The following CYTH3 variants were observed in gnomAD, a reference collection of about 807,000 sequenced individuals.
CYTH3 encodes the protein cytohesin 3.
Under a neutral mutation model 55.1 loss-of-function variants are expected in CYTH3, and 23 were observed. That is an observed-to-expected ratio of 0.42 (90% CI 0.30 to 0.59). The LOEUF is 0.59. CYTH3 is among the 20% of genes least tolerant of loss of function. CYTH3 has a pLI of 0.20. For synonymous variants in CYTH3, 249 were observed against 194.9 expected (o/e 1.28, Z -2.31); for missense variants, 413 against 524.8 (o/e 0.79, Z 2.08).
chr7:6,247,126 C>G (rs1779840091), intron 1 of CYTH3, among the ~76,000 whole-genome samples: 1 of 152,228 alleles, frequency 6.6e-6, no homozygotes, highest in African/African-American at 2.4e-5. Flanking sequence ...TGTGCTAGCT[C>G]CAACTTCTGT....
intron 1 of CYTH3, among the ~76,000 whole-genome samples, chr7:6,215,281 A>G (rs775022253): frequency 1.3e-5 from 2 of 152,214 alleles, no homozygotes; most frequent in Non-Finnish European, 2.9e-5. Flanking sequence ...AAACGTACAG[A>G]TAATTTCCCT....
At chr7:6,225,954 G>A (rs984764804) in intron 1 of CYTH3, among the ~76,000 whole-genome samples, 1 of 152,068 alleles carries the variant, frequency 6.6e-6, no homozygotes, top group African/African-American at 2.4e-5. Flanking sequence ...CCAAAGTGCT[G>A]GGATTACAGG....
chr7:6,215,465 C>A (rs147691040), intron 1 of CYTH3, among the ~76,000 whole-genome samples: 3,969 of 152,018 alleles, frequency 0.026, 155 homozygotes, highest in African/African-American at 0.091. Context: ...TGGTGGGCAC[C>A]TGTAGTCCCA....
intron 1 of CYTH3, among the ~76,000 whole-genome samples, chr7:6,233,986 A>G (rs1420716877): frequency 1.3e-5 from 2 of 152,192 alleles, no homozygotes; most frequent in Non-Finnish European, 2.9e-5. Context: ...CAAGGATCTC[A>G]TTCATGAGCT....
chr7:6,168,219 A>ATT lies in CYTH3; in HGVS notation c.823+2314_823+2315dup, dbSNP rs750700961. 1.3e-3 allele frequency among the ~76,000 whole-genome samples: 162 copies of ATT among 121,598 alleles called. 3 individuals carry two copies. The highest frequency in any genetic ancestry group is 4.6e-3 in the Middle Eastern group (1 of 218). 79.8% of individuals were successfully genotyped at this position (121,598 alleles called of 152,430 possible). On this transcript the variant is annotated intron_variant, in intron 9 of 12. Coordinates refer to ENST00000350796, the MANE Select transcript of CYTH3 (RefSeq NM_004227.4). ...AGCTCGGATTGGGCCACCTCCTAGG[A>ATT]TTTTTTTTTTTTTTTTTTTTCTGGT...
At chr7:6,228,167 A>C (rs946034889) in intron 1 of CYTH3, among the ~76,000 whole-genome samples, 3 of 152,216 alleles carry the variant, frequency 2.0e-5, no homozygotes, top group African/African-American at 7.2e-5. Context: ...ATTCCCTTTC[A>C]TTACCTCCAG....
chr7:6,194,924 G>A (rs1276574873), intron 1 of CYTH3, among the ~76,000 whole-genome samples: 3 of 152,034 alleles, frequency 2.0e-5, no homozygotes, highest in Non-Finnish European at 2.9e-5. Flanking sequence ...GCAGTGAGCC[G>A]AGATCGCGTC....
intron 1 of CYTH3, among the ~76,000 whole-genome samples, chr7:6,193,492 T>C (rs1783851642): frequency 6.6e-6 from 1 of 152,140 alleles, no homozygotes; most frequent in Non-Finnish European, 1.5e-5. Flanking sequence ...AACCGCCACA[T>C]TTTTATGAGC....
At chr7:6,247,034 T>C (rs1172029820) in intron 1 of CYTH3, among the ~76,000 whole-genome samples, 2 of 152,210 alleles carry the variant, frequency 1.3e-5, no homozygotes, top group African/African-American at 4.8e-5. Flanking sequence ...AGAAAAAAGC[T>C]GATGGCCTTA....
chr7:6,204,412 A>G (rs1019014229), intron 1 of CYTH3, among the ~76,000 whole-genome samples: 20 of 152,370 alleles, frequency 1.3e-4, no homozygotes, highest in African/African-American at 4.3e-4. Flanking sequence ...GGCAGTGTAC[A>G]GGATTCAAAA....
rs143060721 is a variant in CYTH3 at position 6,204,000 on chromosome 7, A to G, written c.35-13469T>C. ...CCAAAGTGCTGGGATTACAGGCGTTAGCCACCGCACTCAGCTTCATATTTC... is the reference window on the plus strand; with the variant it reads ...CCAAAGTGCTGGGATTACAGGCGTTGGCCACCGCACTCAGCTTCATATTTC... On this transcript the variant is annotated intron_variant, in intron 1 of 12. Transcript: ENST00000350796. Among the ~76,000 whole-genome samples, 1,235 of 152,144 alleles carry G rather than the reference A, an allele frequency of 8.1e-3. 19 individuals carry two copies. Among genetic ancestry groups the G allele is most frequent in the African/African-American group, 0.028 (1,143 of 41,502 alleles).
intron 1 of CYTH3, among the ~76,000 whole-genome samples, chr7:6,228,544 C>G (rs955515467): frequency 3.9e-5 from 6 of 152,112 alleles, no homozygotes; most frequent in African/African-American, 1.4e-4. Flanking sequence ...CAAAGAAACT[C>G]CCCCCAGATG....
intron 1 of CYTH3, among the ~76,000 whole-genome samples, chr7:6,260,365 G>A (rs947896797): frequency 1.1e-4 from 16 of 152,008 alleles, no homozygotes; most frequent in African/African-American, 3.4e-4. Flanking sequence ...AATGATTATT[G>A]GTCTCCTGTG....
chr7:6,178,909 G>A (rs1783410197), intron 4 of CYTH3, among the ~76,000 whole-genome samples: 1 of 152,154 alleles, frequency 6.6e-6, no homozygotes, highest in South Asian at 2.1e-4. Flanking sequence ...ACACAGCCTT[G>A]CAGCCAGTTT....
At chr7:6,212,259 T>A (rs747847624) in intron 1 of CYTH3, among the ~76,000 whole-genome samples, 1 of 152,220 alleles carries the variant, frequency 6.6e-6, no homozygotes, top group Non-Finnish European at 1.5e-5. Flanking sequence ...GCCTCCCAAG[T>A]AATGGCTACA....
Position 6,169,912 on chromosome 7 carries a change from C to A in CYTH3, c.823+623G>T, listed in dbSNP as rs918783820. Among the ~76,000 whole-genome samples, 2 of 152,186 alleles carry A rather than the reference C, an allele frequency of 1.3e-5. No homozygotes were observed. Among genetic ancestry groups the A allele is most frequent in the Non-Finnish European group, 2.9e-5 (2 of 68,034 alleles). ...AGGTCCCAGCCACTCTCAGCCCCGC[C>A]CCTGGGGGTGGGTGTAGCATTCACC... On this transcript the variant is annotated intron_variant, in intron 9 of 12. Transcript: ENST00000350796. This position sits in a 1 kb window ranked among gnomAD's most constrained non-coding sequence, Gnocchi z 4.1.
intron 4 of CYTH3, among the ~76,000 whole-genome samples, chr7:6,179,620 ACACCCC>A (rs1783428520): frequency 9.2e-6 from 1 of 108,240 alleles, no homozygotes; most frequent in African/African-American, 4.7e-5. Context: ...CCACACACAC[ACACCCC>A]CCACATACAC....
intron 2 of CYTH3, among the ~76,000 whole-genome samples, chr7:6,190,175 AGCTGGCTACT>A (rs1783764184): frequency 6.6e-6 from 1 of 152,228 alleles, no homozygotes; most frequent in African/African-American, 2.4e-5. Context: ...TGGGTTTGCG[AGCTGGCTACT>A]GCTGACCTCA....
rs955235225 is a variant in CYTH3, at chr7:6,197,626, T to A, written c.35-7095A>T. 4.6e-4 allele frequency among the ~76,000 whole-genome samples: 70 copies of A among 152,178 alleles called. 1 individual carries two copies. The highest frequency in any genetic ancestry group is 1.6e-3 in the African/African-American group (66 of 41,510). ...TGAACCCAAGAGGGGGAGATTGCAGTGAGCCAAGATCATGCCATTGCCCTC... is the reference window on the plus strand; with the variant it reads ...TGAACCCAAGAGGGGGAGATTGCAGAGAGCCAAGATCATGCCATTGCCCTC... On this transcript the variant is annotated intron_variant, in intron 1 of 12. Coordinates refer to ENST00000350796, the MANE Select transcript of CYTH3 (RefSeq NM_004227.4).
Sources: gnomAD v4.1 joint callset for allele counts (sites outside exome capture counted in the v4.1 genomes callset) on GRCh38, gnomAD v4.1.1 for gene constraint, Gnocchi (gnomAD v3.1) non-coding constraint, MANE v1.5 for transcripts, NCBI Gene and HGNC (gene_info 2026-07-23, HGNC 2026-07-21) for gene names.